Variants in EPHA6 observed in about 807,000 individuals in gnomAD.
EPHA6 encodes EPH receptor A6, also known as ephrin type-A receptor 6.
In EPHA6, 50 loss-of-function variants were observed where a neutral mutation model predicts 112.0. That is an observed-to-expected ratio of 0.45 (90% CI 0.36 to 0.56). The LOEUF is 0.56. Among genes scored for constraint, EPHA6 ranks in the 20% least tolerant of loss-of-function variants. EPHA6 has a pLI of 0.00. For missense variants in EPHA6, 1,280 were observed against 1,417.4 expected, an observed-to-expected ratio of 0.90 and a Z score of 1.56; for synonymous variants, 529 against 490.7, an observed-to-expected ratio of 1.08 and a Z score of -1.03.
intron 7 of EPHA6, among the ~76,000 whole-genome samples, chr3:97,468,684 T>C (rs2091136490): frequency 6.6e-6 from 1 of 151,782 alleles, no homozygotes; most frequent in African/African-American, 2.4e-5. Flanking sequence ...GGGAATGTAA[T>C]GTAAAATTAC....
intron 11 of EPHA6, chr3:97,559,658 C>G: frequency 2.2e-6 from 1 of 455,246 alleles, no homozygotes; most frequent in Non-Finnish European, 4.4e-6. Flanking sequence ...AGAAGTAAAT[C>G]AAGGTACCTG....
chr3:96,943,706 T>C (rs1040533653), intron 2 of EPHA6, among the ~76,000 whole-genome samples: 4 of 152,178 alleles, frequency 2.6e-5, no homozygotes, highest in African/African-American at 9.7e-5. Context: ...AAGTTGACTG[T>C]TGTATGATAG....
chr3:97,039,960 G>A (rs1007252243), intron 3 of EPHA6, among the ~76,000 whole-genome samples: 1 of 151,854 alleles, frequency 6.6e-6, no homozygotes, highest in African/African-American at 2.4e-5. Flanking sequence ...AAAAATAACT[G>A]AACAACTTAA....
chr3:97,174,852 A>G (rs562465452), intron 3 of EPHA6, among the ~76,000 whole-genome samples: 102 of 151,824 alleles, frequency 6.7e-4, no homozygotes, highest in African/African-American at 2.3e-3. Context: ...TGGGTTGTCT[A>G]TTCACTTTGT....
chr3:97,646,006 A>G, intron 14 of EPHA6: 3 of 724,080 alleles, frequency 4.1e-6, no homozygotes, highest in East Asian at 6.4e-5. Context: ...AGAGGTTTGT[A>G]ATCTTCAAGA....
chr3:97,324,479 C>CTTTCTTTTTCTTTT (rs2082313681), intron 5 of EPHA6, among the ~76,000 whole-genome samples: 1 of 49,968 alleles, frequency 2.0e-5, no homozygotes, highest in African/African-American at 6.8e-5. Context: ...CTTTTTCTTT[C>CTTTCTTTTTCTTTT]GTCTCTTTCT....
rs566605248 is a variant in EPHA6, at chr3:97,714,658, A to T, written c.2785-5603A>T. On this transcript the variant is annotated intron_variant, in intron 14 of 17. Transcript: ENST00000389672. ...ATCAGTGATTCTCAAGAGTAAGAGGACTATCCCCCTAGTTAGGGTTGTCTG... is the reference window on the plus strand; with the variant it reads ...ATCAGTGATTCTCAAGAGTAAGAGGTCTATCCCCCTAGTTAGGGTTGTCTG... Among the ~76,000 whole-genome samples, 10 of 152,326 alleles carry T rather than the reference A, an allele frequency of 6.6e-5. No homozygotes were observed. In the South Asian group the frequency reaches 1.9e-3, roughly 28 times the overall value.
intron 10 of EPHA6, among the ~76,000 whole-genome samples, chr3:97,484,847 A>G (rs2091657947): frequency 6.6e-6 from 1 of 152,232 alleles, no homozygotes; most frequent in Non-Finnish European, 1.5e-5. Flanking sequence ...CCTGACTGTG[A>G]GAAGGAAAAG....
chr3:97,234,073 A>G (rs1160720930), intron 4 of EPHA6, among the ~76,000 whole-genome samples: 1 of 152,072 alleles, frequency 6.6e-6, no homozygotes, highest in East Asian at 1.9e-4. Context: ...GTTTGTAGAG[A>G]TGGTGTCTTT....
intron 12 of EPHA6, among the ~76,000 whole-genome samples, chr3:97,604,859 G>A (rs2093669025): frequency 6.6e-6 from 1 of 151,434 alleles, no homozygotes; most frequent in Non-Finnish European, 1.5e-5. Flanking sequence ...ATCTTTTGTA[G>A]GTCTGCAATT....
At chr3:97,164,360 T>C (rs556393983) in intron 3 of EPHA6, among the ~76,000 whole-genome samples, 1 of 152,284 alleles carries the variant, frequency 6.6e-6, no homozygotes, top group East Asian at 1.9e-4. Flanking sequence ...AATTTGGTCA[T>C]ATATTCAGGC....
At chr3:96,965,912 TTGTA>T (rs1289619724) in intron 2 of EPHA6, among the ~76,000 whole-genome samples, 1 of 152,132 alleles carries the variant, frequency 6.6e-6, no homozygotes, top group African/African-American at 2.4e-5. Flanking sequence ...CACTGTGATT[TTGTA>T]TGTACAATTT....
intron 15 of EPHA6, among the ~76,000 whole-genome samples, chr3:97,724,746 G>T (rs1391803745): frequency 1.3e-5 from 2 of 151,838 alleles, no homozygotes; most frequent in African/African-American, 4.8e-5. Flanking sequence ...GTGAAGTCCG[G>T]TATCTTTTTT....
intron 7 of EPHA6, among the ~76,000 whole-genome samples, chr3:97,461,860 G>A (rs1024297382): frequency 3.9e-5 from 6 of 152,162 alleles, no homozygotes; most frequent in African/African-American, 1.4e-4. Flanking sequence ...TGACTTCTGA[G>A]ATACCAAATC....
intron 7 of EPHA6, among the ~76,000 whole-genome samples, chr3:97,451,153 A>G (rs1009270234): frequency 1.3e-5 from 2 of 152,060 alleles, no homozygotes; most frequent in Non-Finnish European, 2.9e-5. Flanking sequence ...AGCACTTTTT[A>G]GCCATATTAA....
chr3:96,977,989 T>A (rs1379587008), intron 2 of EPHA6, among the ~76,000 whole-genome samples: 3 of 151,946 alleles, frequency 2.0e-5, no homozygotes, highest in Non-Finnish European at 4.4e-5. Flanking sequence ...CAAAATCCCA[T>A]CTCTACCCAA....
intron 2 of EPHA6, among the ~76,000 whole-genome samples, chr3:96,889,968 T>G (rs1388294774): frequency 6.6e-6 from 1 of 152,052 alleles, no homozygotes; most frequent in Non-Finnish European, 1.5e-5. Context: ...GATATCCACA[T>G]TGGAATACAT....
At chr3:97,343,561 T>G (rs964446221) in intron 5 of EPHA6, among the ~76,000 whole-genome samples, 1 of 152,146 alleles carries the variant, frequency 6.6e-6, no homozygotes, top group African/African-American at 2.4e-5. Context: ...AACCAACCTT[T>G]GTTAAGGAGG....
At chr3:97,708,613 T>C (rs531463294) in intron 14 of EPHA6, among the ~76,000 whole-genome samples, 3 of 152,356 alleles carry the variant, frequency 2.0e-5, no homozygotes, top group Admixed American at 2.0e-4. Flanking sequence ...AGGTCAAATG[T>C]TAATCGCCAA....
Sources: allele counts gnomAD v4.1 joint callset (sites outside exome capture counted in the v4.1 genomes callset), GRCh38; gene constraint gnomAD v4.1.1; transcripts MANE v1.5; gene names NCBI Gene and HGNC (gene_info 2026-07-23, HGNC 2026-07-21).